The following DLG1 variants were observed in gnomAD, a reference collection of about 807,000 sequenced individuals.
The protein encoded by DLG1 is discs large MAGUK scaffold protein 1.
Under a neutral mutation model 123.4 loss-of-function variants are expected in DLG1, and 42 were observed. The ratio of observed to expected loss-of-function variants is 0.34; its 90% CI spans 0.27 to 0.44. The LOEUF (loss-of-function observed/expected upper bound fraction) is 0.44, where lower values mean the gene tolerates loss of function less well. DLG1 is among the 20% of genes least tolerant of loss of function. DLG1 has a pLI of 1.00. For synonymous variants in DLG1, 317 were observed against 356.2 expected (o/e 0.89, Z 1.24); for missense variants, 942 against 1,082.6 (o/e 0.87, Z 1.82).
At chr3:197,216,794 G>A (rs986550940) in intron 4 of DLG1, among the ~76,000 whole-genome samples, 2 of 152,170 alleles carry the variant, frequency 1.3e-5, no homozygotes, top group Non-Finnish European at 2.9e-5. Context: ...TTACAAGCTG[G>A]CCTTTTCAAA....
chr3:197,099,021 C>G (rs1762106639), intron 14 of DLG1, among the ~76,000 whole-genome samples: 1 of 152,156 alleles, frequency 6.6e-6, no homozygotes, highest in South Asian at 2.1e-4. Context: ...TTTACCTATC[C>G]TGTGTATATT....
intron 22 of DLG1, among the ~76,000 whole-genome samples, chr3:197,064,384 G>T (rs1488839961): frequency 6.6e-6 from 1 of 152,048 alleles, no homozygotes; most frequent in Non-Finnish European, 1.5e-5. Flanking sequence ...GTAGAGACGG[G>T]GTTTCACCAT....
intron 18 of DLG1, among the ~76,000 whole-genome samples, chr3:197,073,108 C>T (rs887135131): frequency 9.2e-5 from 14 of 152,198 alleles, no homozygotes; most frequent in Admixed American, 6.5e-5. Context: ...TTCTGCTCTC[C>T]TCTAATACTA....
intron 15 of DLG1, 106 bp from the exon 16 acceptor site, chr3:197,085,862 T>C: frequency 2.0e-6 from 2 of 1,006,240 alleles, no homozygotes; most frequent in Non-Finnish European, 2.9e-6. Flanking sequence ...TATATCATAG[T>C]AGGCCAAATA....
At chr3:197,247,270 GGC>G in intron 4 of DLG1, among the ~76,000 whole-genome samples, 1 of 152,194 alleles carries the variant, frequency 6.6e-6, no homozygotes, top group Non-Finnish European at 1.5e-5. Flanking sequence ...CATAGACTCA[GGC>G]GTGTGGTTAG....
intron 4 of DLG1, among the ~76,000 whole-genome samples, chr3:197,221,856 C>T (rs1199187826): frequency 2.0e-5 from 3 of 152,164 alleles, no homozygotes; most frequent in Non-Finnish European, 2.9e-5. Context: ...GTGGGGGACA[C>T]GTTCCAGGAC....
chr3:197,178,094 TAA>T (rs1191232532), intron 5 of DLG1, among the ~76,000 whole-genome samples: 1 of 152,012 alleles, frequency 6.6e-6, no homozygotes, highest in Admixed American at 6.6e-5. Flanking sequence ...GACAGTCAAG[TAA>T]AAAGACAGTA....
intron 13 of DLG1, among the ~76,000 whole-genome samples, chr3:197,114,841 G>A (rs181614923): frequency 2.3e-3 from 343 of 152,098 alleles, no homozygotes; most frequent in African/African-American, 8.0e-3. Flanking sequence ...TTAGCCAGGC[G>A]TGGTGGCGGG....
rs1295889435 is a variant in DLG1, at chr3:197,059,909, G to A, written c.2463C>T (p.Pro821=). The change falls in exon 23 of 25, where the codon CCC becomes CCT. Residue 821 remains proline (P), a synonymous_variant. Transcript: ENST00000667157. ...QLYPISIFIK[P]KSMENIMEMN... is the part of the protein sequence containing the mutation. ...CTTACATGATATTTTCCATGGATTT[G>A]GGTTTAATAAAAATGGAGATAGGGT... 3.7e-6 allele frequency: 6 copies of A among 1,612,308 alleles called. No homozygotes were observed. The highest frequency in any genetic ancestry group is 5.1e-6 in the Non-Finnish European group (6 of 1,178,764).
chr3:197,139,550 C>T (rs1786906526), intron 8 of DLG1, among the ~76,000 whole-genome samples: 1 of 152,034 alleles, frequency 6.6e-6, no homozygotes, highest in Non-Finnish European at 1.5e-5. Context: ...CTCAAAAAAT[C>T]AAAGTTTGCA....
At chr3:197,075,071 A>G (rs1380701895) in intron 18 of DLG1, among the ~76,000 whole-genome samples, 3 of 152,040 alleles carry the variant, frequency 2.0e-5, no homozygotes, top group African/African-American at 4.8e-5. Context: ...TCAGTTAAGC[A>G]ATTTGAAAAC....
intron 5 of DLG1, among the ~76,000 whole-genome samples, chr3:197,159,415 G>T (rs1797863934): frequency 6.6e-6 from 1 of 152,090 alleles, no homozygotes; most frequent in Admixed American, 6.5e-5. Context: ...AGTCAGGTTG[G>T]CGTTACCCCC....
intron 7 of DLG1, 83 bp from the exon 8 acceptor site, chr3:197,140,347 G>A (rs1034978685): frequency 2.2e-5 from 30 of 1,381,244 alleles, no homozygotes; most frequent in Non-Finnish European, 3.0e-5. Context: ...CGCAGAAACT[G>A]TACTAACATA....
chr3:197,256,922 G>A (rs1379344204), intron 4 of DLG1, among the ~76,000 whole-genome samples: 1 of 152,008 alleles, frequency 6.6e-6, no homozygotes, highest in Non-Finnish European at 1.5e-5. Flanking sequence ...AAATTATAAG[G>A]AAAACGTTTA....
chr3:197,130,258 T>C (rs1169417676), intron 11 of DLG1, among the ~76,000 whole-genome samples: 1 of 152,196 alleles, frequency 6.6e-6, no homozygotes, highest in Admixed American at 6.5e-5. Context: ...AAATGTTCTT[T>C]AGTGACTGTT....
chr3:197,116,072 T>C lies in DLG1; in HGVS notation c.1298A>G (p.Lys433Arg). The change falls in exon 13 of 25, where the codon AAA becomes AGA. Residue 433 changes from lysine (K) to arginine (R), a missense_variant. Lys to Arg is a conservative substitution (Grantham distance 26). Coordinates refer to ENST00000667157, the MANE Select transcript of DLG1 (RefSeq NM_001366207.1). ...GDDEITREPRKVVLHRGSTGL... is the reference protein window; with the variant it reads ...GDDEITREPRRVVLHRGSTGL... The stretch of plus-strand genomic sequence containing the variant: ...CGTTGAGCCACGATGAAGAACAACT[T>C]TTCTAGGTTCCCTAAAAATTAAAAA... 5 of 1,591,058 alleles carry C rather than the reference T, an allele frequency of 3.1e-6. No homozygotes were observed. The highest frequency in any genetic ancestry group is 3.4e-6 in the Non-Finnish European group (4 of 1,173,956).
intron 5 of DLG1, among the ~76,000 whole-genome samples, chr3:197,163,844 T>C (rs1434429317): frequency 1.3e-5 from 2 of 151,718 alleles, no homozygotes; most frequent in Non-Finnish European, 2.9e-5. Flanking sequence ...GCCCTAGGAA[T>C]AAAATTCTTA....
intron 5 of DLG1, among the ~76,000 whole-genome samples, chr3:197,184,498 TCTGA>T (rs574271490): frequency 4.9e-4 from 74 of 152,340 alleles, no homozygotes; most frequent in South Asian, 8.3e-4. Context: ...TACATTAAAC[TCTGA>T]CTATCTAACG....
At chr3:197,199,978 C>T (rs77554489) in intron 4 of DLG1, among the ~76,000 whole-genome samples, 6,298 of 152,186 alleles carry the variant, frequency 0.041, 179 homozygotes, top group Non-Finnish European at 0.054. Flanking sequence ...CAGGCCACTA[C>T]CTTTGACATA....
Sources: gnomAD v4.1 joint callset for allele counts (sites outside exome capture counted in the v4.1 genomes callset) on GRCh38, gnomAD v4.1.1 for gene constraint, MANE v1.5 for transcripts, NCBI Gene and HGNC (gene_info 2026-07-23, HGNC 2026-07-21) for gene names.